RNF38: variants seen among roughly 807,000 people sequenced by gnomAD.
RNF38 encodes ring finger protein 38, also known as E3 ubiquitin-protein ligase RNF38.
RNF38 carries 15 observed loss-of-function variants against 67.2 expected under a neutral mutation model. The observed-to-expected ratio is 0.22, with a 90% CI of 0.15 to 0.34. The LOEUF is 0.34. Among genes scored for constraint, RNF38 ranks in the 10% least tolerant of loss-of-function variants. The probability of loss-of-function intolerance (pLI) is 1.00; values close to 1 mark genes in which losing one functional copy is unlikely to be tolerated. For missense variants in RNF38, 524 were observed against 639.9 expected, an observed-to-expected ratio of 0.82 and a Z score of 1.95; for synonymous variants, 220 against 218.8, an observed-to-expected ratio of 1.01 and a Z score of -0.05.
intron 1 of RNF38, among the ~76,000 whole-genome samples, chr9:36,397,706 G>A (rs574710624): frequency 6.6e-6 from 1 of 152,270 alleles, no homozygotes; most frequent in African/African-American, 2.4e-5. Flanking sequence ...TGCAACGAAA[G>A]AAATCCTCTA....
intron 4 of RNF38, among the ~76,000 whole-genome samples, chr9:36,368,334 T>G (rs948414463): frequency 2.0e-5 from 3 of 152,188 alleles, no homozygotes; most frequent in African/African-American, 7.2e-5. Flanking sequence ...AGACCTTGCC[T>G]TTTCTGAAAT....
intron 2 of RNF38, among the ~76,000 whole-genome samples, chr9:36,407,319 G>C (rs1889280): frequency 6.6e-6 from 1 of 152,140 alleles, no homozygotes; most frequent in Non-Finnish European, 1.5e-5. Flanking sequence ...AGTTAGTCAG[G>C]TGGCTGTTTC....
At chr9:36,375,831 T>C (rs1835747130) in intron 3 of RNF38, 103 bp downstream of exon 3, 5 of 1,016,720 alleles carry the variant, frequency 4.9e-6, no homozygotes, top group African/African-American at 3.3e-5. Context: ...TATGTGGTGA[T>C]GTGTTTATGA....
Position 36,369,870 on chromosome 9 carries a change from T to C in RNF38, c.419A>G (p.Gln140Arg). The C allele has an allele frequency of 6.2e-7, 1 of 1,613,818 alleles. No individual in the cohort carries two copies. The highest frequency in any genetic ancestry group is 8.5e-7 in the Non-Finnish European group (1 of 1,180,028). ...AGGGAGATGGTGATAGTTTTCATCT[T>C]GACTAATGGAATTATGTCGAGACAG... ...DRLSRHNSIS[Q>R]DENYHHLPYA... The change falls in exon 4 of 12, where the codon CAA (glutamine) becomes CGA (arginine). Residue 140 changes from glutamine (Q) to arginine (R), a missense_variant. By Grantham distance (43) the Gln-to-Arg change is conservative. Around this residue, in one of 2 missense-constraint regions of RNF38, gnomAD observed 461 missense variants for 517.4 expected, o/e 0.89. Transcript: ENST00000259605.
chr9:36,481,616 C>G (rs1274998956), intron 1 of RNF38, among the ~76,000 whole-genome samples: 1 of 152,088 alleles, frequency 6.6e-6, no homozygotes, highest in Non-Finnish European at 1.5e-5. Flanking sequence ...TTGAAACTTC[C>G]TATCCCACCA....
At chr9:36,393,477 TTGTGTGTGTGTG>T (rs58913703) in intron 1 of RNF38, among the ~76,000 whole-genome samples, 228 of 87,800 alleles carry the variant, frequency 2.6e-3, no homozygotes, top group African/African-American at 6.2e-3. Context: ...CACACACACA[TTGTGTGTGTGTG>T]TGTGTGTGTG....
At chr9:36,431,379 T>C (rs533578541) in intron 1 of RNF38, among the ~76,000 whole-genome samples, 12 of 152,306 alleles carry the variant, frequency 7.9e-5, no homozygotes, top group African/African-American at 2.9e-4. Context: ...TGTAACACAA[T>C]GGTATTTGCG....
In RNF38 at chr9:36,345,802, C is replaced by T. The variant is rs140172046; in HGVS notation, c.1264-849G>A. Among the ~76,000 whole-genome samples the T allele has an allele frequency of 1.9e-3, 290 of 152,270 alleles. 2 individuals are homozygous for T. Among genetic ancestry groups the T allele is most frequent in the Middle Eastern group, 6.8e-3 (2 of 294 alleles). The stretch of plus-strand genomic sequence containing the variant: ...CCTAATATGTCTCAAGACTCTTTTT[C>T]ACTCTTAAATTTGAAGAAACCAGGT... On this transcript the variant is annotated intron_variant, in intron 9 of 11. Transcript: ENST00000259605.
chr9:36,400,773 C>T, upstream of RNF38: 1 of 985,616 alleles, frequency 1.0e-6, no homozygotes, highest in African/African-American at 1.7e-5. Flanking sequence ...GACGGCTGCA[C>T]GCCCAGAGAT....
chr9:36,347,243 A>AC (rs1436716160), intron 9 of RNF38, among the ~76,000 whole-genome samples: 2 of 151,896 alleles, frequency 1.3e-5, no homozygotes, highest in Non-Finnish European at 2.9e-5. Context: ...CTCTTAGTAC[A>AC]CAAAGGTCAA....
chr9:36,456,273 T>A lies in RNF38; in HGVS notation n.241+31035A>T, dbSNP rs1839593318. Among the ~76,000 whole-genome samples, 4 of 152,152 alleles carry A rather than the reference T, an allele frequency of 2.6e-5. No homozygotes were observed. The South Asian group carries it at 8.3e-4, about 32-fold the overall frequency. On this transcript the variant is annotated intron_variant and non_coding_transcript_variant, in intron 1 of 3. Coordinates refer to the RNF38 transcript ENST00000488058. ...GGTTTCACCATGTTGGCCAGGCTGGTCTCGAACTTCTGGCCTCAGGTGATC... is the reference window on the plus strand; with the variant it reads ...GGTTTCACCATGTTGGCCAGGCTGGACTCGAACTTCTGGCCTCAGGTGATC...
At chr9:36,426,666 T>G (rs1369414733) in intron 1 of RNF38, among the ~76,000 whole-genome samples, 1 of 152,228 alleles carries the variant, frequency 6.6e-6, no homozygotes, top group East Asian at 1.9e-4. Context: ...TTCAACCTTT[T>G]GAGGAACTGC....
chr9:36,341,459 T>A (rs973138510), intron 11 of RNF38, among the ~76,000 whole-genome samples: 2 of 152,168 alleles, frequency 1.3e-5, no homozygotes, highest in African/African-American at 4.8e-5. Flanking sequence ...ATATTTTTTT[T>A]ATATAGTCAT....
upstream of RNF38, chr9:36,400,408 G>T (rs1293466033): frequency 2.7e-6 from 3 of 1,129,256 alleles, no homozygotes; most frequent in Non-Finnish European, 3.3e-6. Flanking sequence ...AGCTGAGACC[G>T]CGCCTCCTCG....
chr9:36,398,990 G>A (rs1837769111), intron 1 of RNF38, among the ~76,000 whole-genome samples: 1 of 152,092 alleles, frequency 6.6e-6, no homozygotes, highest in Admixed American at 6.5e-5. Context: ...GCCTAGGAAT[G>A]TAACATGAAT....
chr9:36,446,802 C>T (rs1234639918), intron 1 of RNF38, among the ~76,000 whole-genome samples: 1 of 114,172 alleles, frequency 8.8e-6, no homozygotes, highest in Non-Finnish European at 1.7e-5. Flanking sequence ...AGTGAGACTC[C>T]GCCTCAAGAA....
intron 1 of RNF38, among the ~76,000 whole-genome samples, chr9:36,443,656 AAG>A (rs1280767203): frequency 6.6e-6 from 1 of 152,128 alleles, no homozygotes; most frequent in African/African-American, 2.4e-5. Flanking sequence ...AAGCAACAAA[AAG>A]AATGTAATTA....
At chr9:36,487,421 G>T in exon 1 of RNF38, 3 of 981,482 alleles carry the variant, frequency 3.1e-6, no homozygotes, top group Non-Finnish European at 3.6e-6. Flanking sequence ...GGGCGGCGGC[G>T]GTGGGGGGCG....
chr9:36,371,007 A>G (rs144641595), intron 3 of RNF38, among the ~76,000 whole-genome samples: 1 of 152,266 alleles, frequency 6.6e-6, no homozygotes, highest in East Asian at 1.9e-4. Flanking sequence ...TTTTATTGTG[A>G]CTAAACTTTC....
Sources: allele counts gnomAD v4.1 joint callset (sites outside exome capture counted in the v4.1 genomes callset), GRCh38; gene constraint gnomAD v4.1.1; regional missense constraint gnomAD v4.1.1; transcripts MANE v1.5; gene names NCBI Gene and HGNC (gene_info 2026-07-23, HGNC 2026-07-21).